Variants in CHM observed in about 807,000 individuals in gnomAD.
CHM encodes the protein rab proteins geranylgeranyltransferase component A 1.
In CHM, 10 loss-of-function variants were observed where a neutral mutation model predicts 49.0. The observed-to-expected ratio is 0.20, with a 90% CI of 0.13 to 0.35. The LOEUF is 0.35. Among genes scored for constraint, CHM ranks in the 10% least tolerant of loss-of-function variants. The pLI is 1.00. For synonymous variants in CHM, 184 were observed against 167.5 expected, an observed-to-expected ratio of 1.10 and a Z score of -0.76; for missense variants, 455 against 478.4, an observed-to-expected ratio of 0.95 and a Z score of 0.46.
chrX:85,903,547 A>G (rs113087951), intron 9 of CHM: 15 of 382,959 alleles, frequency 3.9e-5, no homozygotes, highest in African/African-American at 3.9e-4. Context: ...AGGGAGCTCA[A>G]CCATACCAGG....
intron 2 of CHM, among the ~76,000 whole-genome samples, chrX:86,008,289 G>C (rs1932914043): frequency 9.0e-6 from 1 of 111,019 alleles, no homozygotes; most frequent in African/African-American, 3.3e-5. Flanking sequence ...AATAGCATTA[G>C]GAGAAATACC....
intron 8 of CHM, among the ~76,000 whole-genome samples, chrX:85,945,439 TCTC>T (rs1249085579): frequency 1.9e-5 from 2 of 104,595 alleles, no homozygotes; most frequent in Non-Finnish European, 3.9e-5. Flanking sequence ...TCCCTCTCTC[TCTC>T]TCTCTCGTTC....
At chrX:85,877,231 T>G (rs1474838235) in intron 13 of CHM, among the ~76,000 whole-genome samples, 1 of 111,776 alleles carries the variant, frequency 8.9e-6, no homozygotes, top group African/African-American at 3.2e-5. Context: ...ACCCCCAAAT[T>G]AAAGTGAAGT....
intron 2 of CHM, among the ~76,000 whole-genome samples, chrX:86,015,761 G>T (rs1280303560): frequency 8.9e-6 from 1 of 112,414 alleles, no homozygotes; most frequent in Non-Finnish European, 1.9e-5. Flanking sequence ...ATGCCCTAGA[G>T]ATCTGTGGAA....
chrX:85,876,785 C>T lies in CHM; in HGVS notation c.1609+2180G>A, dbSNP rs773498742. ...TCAGGTTCTAAACAATACATCATTT[C>T]AAAATGGGATCACTTTAACTATTAA... On this transcript the variant is annotated intron_variant, in intron 13 of 14. Coordinates refer to ENST00000357749, the MANE Select transcript of CHM (RefSeq NM_000390.4). 3.7e-3 allele frequency among the ~76,000 whole-genome samples: 409 copies of T among 111,384 alleles called. 1 individual carries two copies. The highest frequency in any genetic ancestry group is 0.013 in the African/African-American group (384 of 30,681).
At chrX:85,889,097 G>A (rs1251822172) in intron 12 of CHM, among the ~76,000 whole-genome samples, 1 of 111,403 alleles carries the variant, frequency 9.0e-6, no homozygotes, top group Non-Finnish European at 1.9e-5. Flanking sequence ...TTATTAGACT[G>A]GGGATATTAA....
chrX:85,956,392 A>C lies in CHM; in HGVS notation c.941-14T>G, dbSNP rs777681099. 8.3e-7 allele frequency: 1 copy of C among 1,199,360 alleles called. No homozygotes were observed. The highest frequency in any genetic ancestry group is 1.1e-6 in the Non-Finnish European group (1 of 888,169). On this transcript the variant is annotated splice_polypyrimidine_tract_variant and intron_variant, in intron 7 of 14. Transcript: ENST00000357749. ...TCTCTTCATATCCTATGAAAAGATG[A>C]AATTTTATCACTTAAAATCAGAACT...
intron 2 of CHM, among the ~76,000 whole-genome samples, chrX:86,022,200 A>T (rs1343125569): frequency 8.9e-6 from 1 of 112,155 alleles, no homozygotes; most frequent in Non-Finnish European, 1.9e-5. Context: ...GACAATTTTT[A>T]AAAAATTATT....
chrX:85,972,702 AGC>A (rs1180571246), intron 4 of CHM, among the ~76,000 whole-genome samples: 1 of 112,387 alleles, frequency 8.9e-6, no homozygotes, highest in East Asian at 2.9e-4. Flanking sequence ...CTGGCCCGCA[AGC>A]GCCACGCGCA....
chrX:85,996,878 A>T (rs2147738913), intron 2 of CHM, among the ~76,000 whole-genome samples: 1 of 111,842 alleles, frequency 8.9e-6, no homozygotes, highest in South Asian at 3.8e-4. Flanking sequence ...AAAATTGTGT[A>T]TTCAGTGAAG....
intron 2 of CHM, among the ~76,000 whole-genome samples, chrX:86,014,086 A>T (rs1933191248): frequency 8.9e-6 from 1 of 112,122 alleles, no homozygotes; most frequent in Non-Finnish European, 1.9e-5. Context: ...TAGTTTGCAA[A>T]CTCAAAACCA....
intron 8 of CHM, among the ~76,000 whole-genome samples, chrX:85,937,548 A>G (rs1928854576): frequency 9.1e-6 from 1 of 109,853 alleles, no homozygotes; most frequent in Non-Finnish European, 1.9e-5. Context: ...ATTAAAATGG[A>G]AAATCAGGCT....
chrX:85,880,610 G>T (rs1200943216), intron 12 of CHM, among the ~76,000 whole-genome samples: 4 of 111,289 alleles, frequency 3.6e-5, no homozygotes, highest in African/African-American at 1.3e-4. Context: ...CTGTTAAACA[G>T]GACATATATT....
intron 4 of CHM, among the ~76,000 whole-genome samples, chrX:85,978,206 G>C (rs935107624): frequency 4.5e-5 from 5 of 111,709 alleles, no homozygotes; most frequent in African/African-American, 1.3e-4. Context: ...ACTTCCAACT[G>C]TTCTATCCTA....
intron 8 of CHM, among the ~76,000 whole-genome samples, chrX:85,917,884 G>A (rs1927554051): frequency 9.0e-6 from 1 of 110,535 alleles, no homozygotes; most frequent in African/African-American, 3.3e-5. Context: ...CTGAAAAACT[G>A]AACAAAACCT....
chrX:85,922,017 T>C (rs1198314027), intron 8 of CHM, among the ~76,000 whole-genome samples: 2 of 112,216 alleles, frequency 1.8e-5, no homozygotes, highest in African/African-American at 6.5e-5. Flanking sequence ...TACACACATG[T>C]GCATGTGGTA....
At chrX:86,001,346 T>C (rs900784791) in intron 2 of CHM, among the ~76,000 whole-genome samples, 7 of 101,944 alleles carry the variant, frequency 6.9e-5, no homozygotes, top group Non-Finnish European at 1.5e-4. Context: ...TCATGACATG[T>C]TCATCTGCAA....
intron 2 of CHM, among the ~76,000 whole-genome samples, chrX:85,999,200 T>C (rs1423982059): frequency 9.0e-6 from 1 of 111,413 alleles, no homozygotes; most frequent in Non-Finnish European, 1.9e-5. Context: ...TTTAGATGAA[T>C]ATGCTTACTT....
At chrX:86,005,921 A>C (rs1213735980) in intron 2 of CHM, among the ~76,000 whole-genome samples, 1 of 111,825 alleles carries the variant, frequency 8.9e-6, no homozygotes, top group Non-Finnish European at 1.9e-5. Context: ...TGTGAGGCCA[A>C]CATCATCCTG....
Sources: gnomAD v4.1 joint callset for allele counts (sites outside exome capture counted in the v4.1 genomes callset) on GRCh38, gnomAD v4.1.1 for gene constraint, MANE v1.5 for transcripts, NCBI Gene and HGNC (gene_info 2026-07-23, HGNC 2026-07-21) for gene names.